The following NCAM2 variants were observed in gnomAD, a reference collection of about 807,000 sequenced individuals.
NCAM2 encodes N-CAM-2.
Under a neutral mutation model 98.1 loss-of-function variants are expected in NCAM2, and 30 were observed. The observed-to-expected ratio is 0.31, with a 90% CI of 0.23 to 0.41. The LOEUF (loss-of-function observed/expected upper bound fraction) is 0.41. Ranked by LOEUF, NCAM2 falls within the 10% of genes least tolerant of loss-of-function variation. The pLI, the probability that NCAM2 is intolerant of heterozygous loss-of-function variation, is 1.00. For missense variants in NCAM2, 867 were observed against 1,005.8 expected (o/e 0.86, Z 1.87); for synonymous variants, 368 against 342.4 (o/e 1.07, Z -0.83).
intron 10 of NCAM2, among the ~76,000 whole-genome samples, chr21:21,414,475 T>G (rs1391355947): frequency 6.8e-6 from 1 of 147,500 alleles, no homozygotes; most frequent in African/African-American, 2.5e-5. Flanking sequence ...TGTTGTGTGT[T>G]TTTTTTTTTT....
intron 1 of NCAM2, among the ~76,000 whole-genome samples, chr21:21,084,683 T>C (rs1227486820): frequency 6.6e-6 from 1 of 152,152 alleles, no homozygotes; most frequent in East Asian, 1.9e-4. Context: ...AAGAAAGTGT[T>C]GTATTTGGAC....
chr21:21,270,067 G>A (rs1601825791), intron 1 of NCAM2, among the ~76,000 whole-genome samples: 1 of 152,256 alleles, frequency 6.6e-6, no homozygotes, highest in Middle Eastern at 3.4e-3. Context: ...ATTAGGCACA[G>A]TGCAAACACT....
chr21:21,528,607 C>A (rs147259159), intron 16 of NCAM2, among the ~76,000 whole-genome samples: 36 of 152,090 alleles, frequency 2.4e-4, no homozygotes, highest in African/African-American at 8.7e-4. Context: ...TAAAAAATTA[C>A]AATGTATATG....
intron 1 of NCAM2, among the ~76,000 whole-genome samples, chr21:21,137,266 G>A (rs2067076731): frequency 6.6e-6 from 1 of 152,184 alleles, no homozygotes; most frequent in South Asian, 2.1e-4. Context: ...GACTGCTTAT[G>A]TCAGAATATC....
chr21:21,060,576 A>G (rs1034106178), intron 1 of NCAM2, among the ~76,000 whole-genome samples: 1 of 152,184 alleles, frequency 6.6e-6, no homozygotes, highest in Non-Finnish European at 1.5e-5. Flanking sequence ...CTTAATGCTA[A>G]TTAAAATTGT....
intron 1 of NCAM2, among the ~76,000 whole-genome samples, chr21:21,249,899 A>G (rs2071413308): frequency 6.6e-6 from 1 of 152,172 alleles, no homozygotes; most frequent in Non-Finnish European, 1.5e-5. Context: ...TAGCACATCC[A>G]CATGTATTTA....
At chr21:21,372,782 G>A (rs984157039) in intron 8 of NCAM2, among the ~76,000 whole-genome samples, 24 of 151,760 alleles carry the variant, frequency 1.6e-4, no homozygotes, top group African/African-American at 5.5e-4. Context: ...AATAATTTCA[G>A]GTATATTGAT....
intron 1 of NCAM2, among the ~76,000 whole-genome samples, chr21:21,140,792 C>G (rs2067150908): frequency 6.6e-6 from 1 of 152,092 alleles, no homozygotes; most frequent in African/African-American, 2.4e-5. Flanking sequence ...CTGCATGCTA[C>G]TTTTCAAAAA....
At chr21:21,218,770 G>A (rs531204237) in intron 1 of NCAM2, among the ~76,000 whole-genome samples, 10 of 152,310 alleles carry the variant, frequency 6.6e-5, no homozygotes, top group Non-Finnish European at 7.3e-5. Flanking sequence ...TAAGCTGGGC[G>A]CAGTGGCTCA....
intron 6 of NCAM2, among the ~76,000 whole-genome samples, chr21:21,324,897 A>G (rs949305042): frequency 2.6e-5 from 4 of 152,150 alleles, no homozygotes; most frequent in African/African-American, 9.6e-5. Context: ...ATAATTGTGT[A>G]TATTTGTATT....
At chr21:21,297,574 T>C (rs374224397) in intron 5 of NCAM2, among the ~76,000 whole-genome samples, 1 of 151,858 alleles carries the variant, frequency 6.6e-6, no homozygotes, top group East Asian at 1.9e-4. Flanking sequence ...TTCTTTTAAC[T>C]AGATAATTGT....
chr21:21,332,130 C>T (rs2074729408), intron 6 of NCAM2, among the ~76,000 whole-genome samples: 2 of 151,744 alleles, frequency 1.3e-5, no homozygotes, highest in African/African-American at 2.4e-5. Context: ...ATCTGTAACT[C>T]CTGACCTTGT....
chr21:21,378,556 A>G (rs1961210633), intron 9 of NCAM2, among the ~76,000 whole-genome samples: 1 of 152,016 alleles, frequency 6.6e-6, no homozygotes, highest in Non-Finnish European at 1.5e-5. Context: ...AGTTATTTGT[A>G]TATTTTGAAT....
intron 5 of NCAM2, among the ~76,000 whole-genome samples, chr21:21,314,571 G>A (rs2074160198): frequency 1.3e-5 from 2 of 152,162 alleles, no homozygotes; most frequent in South Asian, 4.1e-4. Flanking sequence ...ACATTATTTT[G>A]TCCTGGTCGT....
At chr21:21,016,136 A>G (rs1172816770) in intron 1 of NCAM2, among the ~76,000 whole-genome samples, 2 of 152,182 alleles carry the variant, frequency 1.3e-5, no homozygotes, top group Admixed American at 1.3e-4. Flanking sequence ...ATTGGTGGTG[A>G]GGAGAATGAC....
chr21:21,021,929 T>C (rs922885689), intron 1 of NCAM2, among the ~76,000 whole-genome samples: 7 of 152,158 alleles, frequency 4.6e-5, no homozygotes, highest in Non-Finnish European at 8.8e-5. Flanking sequence ...ACATAGTAGA[T>C]GTTCAGTAAA....
intron 8 of NCAM2, among the ~76,000 whole-genome samples, chr21:21,364,084 C>T (rs1173443210): frequency 6.6e-6 from 1 of 151,992 alleles, no homozygotes; most frequent in Non-Finnish European, 1.5e-5. Flanking sequence ...TGGAGTTCAT[C>T]TATTTGTTTT....
intron 1 of NCAM2, among the ~76,000 whole-genome samples, chr21:21,132,269 C>G (rs2066951179): frequency 6.6e-6 from 1 of 152,120 alleles, no homozygotes; most frequent in Admixed American, 6.6e-5. Flanking sequence ...GTTACATAGC[C>G]TTCCCTGACT....
intron 15 of NCAM2, among the ~76,000 whole-genome samples, chr21:21,481,351 C>A (rs1053333714): frequency 6.6e-6 from 1 of 152,146 alleles, no homozygotes; most frequent in Non-Finnish European, 1.5e-5. Flanking sequence ...AGCGTAGTAT[C>A]TTGGAAGTTA....
Sources: gnomAD v4.1 joint callset for allele counts (sites outside exome capture counted in the v4.1 genomes callset) on GRCh38, gnomAD v4.1.1 for gene constraint, MANE v1.5 for transcripts, NCBI Gene and HGNC (gene_info 2026-07-23, HGNC 2026-07-21) for gene names.